DCDC1: variants seen among roughly 807,000 people sequenced by gnomAD.
DCDC1 encodes the protein doublecortin domain containing 1.
DCDC1 carries 200 observed loss-of-function variants against 178.3 expected under a neutral mutation model. The ratio of observed to expected loss-of-function variants is 1.12; its 90% CI spans 1.00 to 1.26. The LOEUF (loss-of-function observed/expected upper bound fraction) is 1.26, where lower values mean the gene tolerates loss of function less well. DCDC1 is among the 50% of genes most tolerant of loss of function. DCDC1 has a pLI of 0.00. For missense variants in DCDC1, 1,983 were observed against 1,749.2 expected (o/e 1.13, Z -2.38); for synonymous variants, 690 against 604.8 (o/e 1.14, Z -2.07).
At chr11:31,327,133 G>A (rs2137846666) in intron 3 of DCDC1, among the ~76,000 whole-genome samples, 1 of 152,122 alleles carries the variant, frequency 6.6e-6, no homozygotes, top group South Asian at 2.1e-4. Context: ...CAAAGGTATT[G>A]AGACTATCAT....
intron 17 of DCDC1, among the ~76,000 whole-genome samples, chr11:31,089,454 T>G (rs755962970): frequency 6.6e-6 from 1 of 152,098 alleles, no homozygotes; most frequent in Non-Finnish European, 1.5e-5. Context: ...TTGAGTTCCT[T>G]GGATCAGTGG....
intron 20 of DCDC1, among the ~76,000 whole-genome samples, chr11:30,968,553 C>T (rs163860): frequency 0.59 from 88,881 of 149,866 alleles, 27,101 homozygotes; most frequent in African/African-American, 0.71. Flanking sequence ...ATTGCTATTG[C>T]ATTACTGTGT....
intron 8 of DCDC1, among the ~76,000 whole-genome samples, chr11:31,257,687 T>C (rs1033934863): frequency 3.2e-5 from 4 of 124,380 alleles, no homozygotes; most frequent in South Asian, 2.6e-4. Context: ...ATTTGACAGA[T>C]AGGAAAACAC....
At chr11:31,321,454 A>C (rs1432709467) in intron 3 of DCDC1, among the ~76,000 whole-genome samples, 1 of 151,710 alleles carries the variant, frequency 6.6e-6, no homozygotes, top group African/African-American at 2.4e-5. Flanking sequence ...TGACTTGGAA[A>C]GGGAACTCCC....
chr11:31,319,477 CCCTGCCTTTTTTTGT>C (rs1949249880), intron 3 of DCDC1, among the ~76,000 whole-genome samples: 1 of 64,828 alleles, frequency 1.5e-5, no homozygotes, highest in Admixed American at 1.6e-4. Flanking sequence ...GGATTGCAAC[CCCTGCCTTTTTTTGT>C]TTTCCATTGG....
chr11:31,327,450 G>A (rs191082476), intron 3 of DCDC1, among the ~76,000 whole-genome samples: 9 of 152,086 alleles, frequency 5.9e-5, no homozygotes, highest in Admixed American at 4.6e-4. Flanking sequence ...GATTACAGGC[G>A]TGAGTAACTG....
rs750542226 is a variant in DCDC1 at position 31,103,731 on chromosome 11, C to T, written c.1790G>A (p.Arg597Gln). The T allele has an allele frequency of 2.6e-5, 20 of 765,402 alleles. No homozygotes were observed. The highest frequency in any genetic ancestry group is 4.1e-5 in the Non-Finnish European group (17 of 417,616). The allele number at this position is 765,402 out of a possible 1,614,324, so 47.4% of individuals were successfully genotyped here. A position where few individuals can be genotyped will look rare whatever the true frequency, so the allele number is the denominator to read the frequency against. ...LNLALGLTFD[R>Q]VSAFARGDIM... ...ATCACCTCTGGCAAATGCACTCACT[C>T]GGTCAAAGGTCAAACCCAAAGCAAG... The change falls in exon 14 of 39, where the codon CGA becomes CAA. Residue 597 changes from arginine (R) to glutamine (Q), a missense_variant. Transcript: ENST00000684477.
At chr11:30,972,713 C>T (rs950903532) in intron 20 of DCDC1, among the ~76,000 whole-genome samples, 1 of 152,050 alleles carries the variant, frequency 6.6e-6, no homozygotes, top group Non-Finnish European at 1.5e-5. Context: ...CATAACATAA[C>T]CTTGAATGTA....
chr11:31,192,142 T>C (rs1970200620), intron 9 of DCDC1, among the ~76,000 whole-genome samples: 10 of 152,060 alleles, frequency 6.6e-5, no homozygotes, highest in Admixed American at 5.9e-4. Flanking sequence ...CTCTTAATCC[T>C]CACTCTCACC....
At chr11:30,886,814 T>TG (rs1275289581) in intron 36 of DCDC1, among the ~76,000 whole-genome samples, 1 of 151,654 alleles carries the variant, frequency 6.6e-6, no homozygotes, top group African/African-American at 2.4e-5. Flanking sequence ...CTATCTGGAG[T>TG]GGGAAAAATG....
At chr11:31,055,687 T>G (rs1451625890) in intron 20 of DCDC1, among the ~76,000 whole-genome samples, 1 of 152,192 alleles carries the variant, frequency 6.6e-6, no homozygotes, top group Non-Finnish European at 1.5e-5. Context: ...AAGGAATGAA[T>G]TAACAGCATT....
intron 9 of DCDC1, among the ~76,000 whole-genome samples, chr11:31,170,321 G>C (rs1268868627): frequency 1.3e-5 from 2 of 152,042 alleles, no homozygotes; most frequent in Admixed American, 6.5e-5. Context: ...TTGCCTTTTG[G>C]GTCATTTCCA....
intron 4 of DCDC1, 51 bp from the exon 5 acceptor site, chr11:31,306,439 T>C (rs1267934871): frequency 6.6e-7 from 1 of 1,516,946 alleles, no homozygotes; most frequent in East Asian, 2.4e-5. Context: ...TAGTGAAAGC[T>C]TTTAAATAAA....
At chr11:31,051,512 G>A (rs1332383729) in intron 20 of DCDC1, among the ~76,000 whole-genome samples, 2 of 152,186 alleles carry the variant, frequency 1.3e-5, no homozygotes, top group African/African-American at 2.4e-5. Flanking sequence ...CTTCGCCCAG[G>A]CACATTGTCA....
intron 9 of DCDC1, among the ~76,000 whole-genome samples, chr11:31,162,118 T>C (rs902863624): frequency 1.3e-5 from 2 of 152,188 alleles, no homozygotes; most frequent in Non-Finnish European, 2.9e-5. Context: ...TTGTGATTAA[T>C]TGATTTTTAG....
intron 18 of DCDC1, among the ~76,000 whole-genome samples, chr11:31,066,002 T>C (rs180897924): frequency 1.3e-5 from 2 of 152,224 alleles, no homozygotes; most frequent in East Asian, 1.9e-4. Context: ...GAAAGAGTAA[T>C]GTAGCATAAA....
At chr11:31,225,998 T>C (rs1429955309) in intron 9 of DCDC1, among the ~76,000 whole-genome samples, 1 of 151,980 alleles carries the variant, frequency 6.6e-6, no homozygotes, top group Non-Finnish European at 1.5e-5. Context: ...TATTAAGGAA[T>C]GAAGAGAAAT....
intron 1 of DCDC1, among the ~76,000 whole-genome samples, chr11:31,344,436 G>A (rs1488581187): frequency 1.3e-5 from 2 of 152,150 alleles, no homozygotes; most frequent in Non-Finnish European, 2.9e-5. Flanking sequence ...CCTGTCCTTA[G>A]TGGTTGAGTC....
intron 1 of DCDC1, among the ~76,000 whole-genome samples, chr11:31,342,763 GA>G (rs1204585866): frequency 6.6e-6 from 1 of 151,978 alleles, no homozygotes; most frequent in Admixed American, 6.6e-5. Flanking sequence ...ACCACTTGCA[GA>G]AAAAAATCCA....
Sources: gnomAD v4.1 joint callset for allele counts (sites outside exome capture counted in the v4.1 genomes callset) on GRCh38, gnomAD v4.1.1 for gene constraint, MANE v1.5 for transcripts, NCBI Gene and HGNC (gene_info 2026-07-23, HGNC 2026-07-21) for gene names.